The following TSPAN14 variants were observed in gnomAD, a reference collection of about 807,000 sequenced individuals.
TSPAN14 encodes the protein tetraspanin-14.
Under a neutral mutation model 36.6 loss-of-function variants are expected in TSPAN14, and 16 were observed. The observed-to-expected ratio is 0.44, with a 90% CI of 0.30 to 0.66. The LOEUF is 0.66. Among genes scored for constraint, TSPAN14 ranks in the 30% least tolerant of loss-of-function variants. The probability of loss-of-function intolerance (pLI) is 0.12; values close to 1 mark genes in which losing one functional copy is unlikely to be tolerated. For missense variants in TSPAN14, 231 were observed against 355.1 expected (o/e 0.65, Z 2.81); for synonymous variants, 139 against 143.8 (o/e 0.97, Z 0.24).
intron 1 of TSPAN14, among the ~76,000 whole-genome samples, chr10:80,474,456 G>A (rs1000936173): frequency 2.6e-5 from 4 of 151,812 alleles, no homozygotes; most frequent in African/African-American, 9.7e-5. Context: ...CCCTCAGGAC[G>A]GGAGGGGAGG....
chr10:80,478,993 G>GT (rs1847083529), intron 1 of TSPAN14, among the ~76,000 whole-genome samples: 1 of 152,104 alleles, frequency 6.6e-6, no homozygotes, highest in Non-Finnish European at 1.5e-5. Flanking sequence ...TCTAACTGGT[G>GT]TGAGATGGTA....
chr10:80,485,450 T>A (rs1021564644), intron 1 of TSPAN14, among the ~76,000 whole-genome samples: 2 of 152,170 alleles, frequency 1.3e-5, no homozygotes, highest in African/African-American at 4.8e-5. Context: ...GAGCGCTCAG[T>A]CCTTTTTTCC....
intron 5 of TSPAN14, among the ~76,000 whole-genome samples, chr10:80,511,604 C>T (rs1455945707): frequency 3.9e-5 from 6 of 152,114 alleles, no homozygotes; most frequent in African/African-American, 7.2e-5. Context: ...GAGGGCTCCA[C>T]TGAGCCAGCC....
At chr10:80,480,354 G>A (rs1589256694) in intron 1 of TSPAN14, among the ~76,000 whole-genome samples, 1 of 152,144 alleles carries the variant, frequency 6.6e-6, no homozygotes, top group African/African-American at 2.4e-5. Context: ...GTGAGAGAGG[G>A]CATCCCAGTC....
Position 80,509,182 on chromosome 10 carries a change from T to C in TSPAN14, c.280-119T>C. ...GGGTTCTGGGGCCCCGATGTGGGAC[T>C]CTCAGGTGCAGAGCCCACGCTCTGC... On this transcript the variant is annotated intron_variant, in intron 4 of 8. Coordinates refer to ENST00000429989, the Ensembl canonical transcript of TSPAN14. This position sits in a 1 kb window ranked among gnomAD's most constrained non-coding sequence, Gnocchi z 4.7. The C allele has an allele frequency of 9.0e-7, 1 of 1,108,044 alleles. No individual in the cohort carries two copies. 68.6% of individuals were successfully genotyped at this position (1,108,044 alleles called of 1,614,324 possible).
chr10:80,504,717 G>C lies in TSPAN14; in HGVS notation c.82-11G>C. On this transcript the variant is annotated splice_polypyrimidine_tract_variant and intron_variant, in intron 2 of 8. Coordinates refer to ENST00000429989, the Ensembl canonical transcript of TSPAN14. ...CCTAACTTCCTTCTCTCTTTCCTCT[G>C]CCCCGCTTAGTTGGCTGGAGTTGTC... The C allele has an allele frequency of 6.2e-7, 1 of 1,614,130 alleles. No individual in the cohort carries two copies. The highest frequency in any genetic ancestry group is 8.5e-7 in the Non-Finnish European group (1 of 1,179,994).
rs111239209 is a variant in TSPAN14, at chr10:80,461,915, C to CT, written c.-18+7556dup. On this transcript the variant is annotated intron_variant, in intron 1 of 8. Coordinates refer to ENST00000429989, the Ensembl canonical transcript of TSPAN14. ...CACTGTTGTGAGATCTCATTTGTGC[C>CT]TTTTTTTTTTTTCCTTCAGACAGGG... 1.6e-3 allele frequency among the ~76,000 whole-genome samples: 228 copies of CT among 144,422 alleles called. 2 individuals carry two copies. The highest frequency in any genetic ancestry group is 0.015 in the Middle Eastern group (4 of 274). The allele number at this position is 144,422 out of a possible 152,430, so 94.7% of individuals were successfully genotyped here.
At position 80,475,871 on chromosome 10, in the gene TSPAN14, C is replaced by T. The variant is rs144136392; in HGVS notation, c.-17-13346C>T. 2.2e-3 allele frequency among the ~76,000 whole-genome samples: 329 copies of T among 152,274 alleles called. 2 individuals carry two copies. Among genetic ancestry groups the T allele is most frequent in the African/African-American group, 7.4e-3 (309 of 41,550 alleles). On this transcript the variant is annotated intron_variant, in intron 1 of 8. Coordinates refer to ENST00000429989, the Ensembl canonical transcript of TSPAN14. ...GAGTGCTGGGATTACAGGCATGAGC[C>T]GTGGTGCCCGGCCTCCCCATCCTTT...
At chr10:80,512,329 C>T in intron 6 of TSPAN14, 60 bp downstream of exon 6, 15 of 1,599,924 alleles carry the variant, frequency 9.4e-6, no homozygotes, top group Non-Finnish European at 1.2e-5. Context: ...AGAAGCTTTC[C>T]TGACTCCTCC....
intron 1 of TSPAN14, among the ~76,000 whole-genome samples, chr10:80,465,648 CT>C (rs1319030404): frequency 6.6e-6 from 1 of 152,206 alleles, no homozygotes; most frequent in Non-Finnish European, 1.5e-5. Flanking sequence ...GAGGTCTCAC[CT>C]GTTTTGGGCC....
intron 8 of TSPAN14, among the ~76,000 whole-genome samples, chr10:80,517,280 A>G (rs1297568711): frequency 6.6e-6 from 1 of 152,252 alleles, no homozygotes; most frequent in African/African-American, 2.4e-5. Context: ...CAAGGGAAGA[A>G]TCAGACTTCA....
intron 5 of TSPAN14, among the ~76,000 whole-genome samples, chr10:80,510,660 G>C (rs1840568358): frequency 1.3e-5 from 2 of 152,226 alleles, no homozygotes; most frequent in South Asian, 4.1e-4. Flanking sequence ...GGATCACAAG[G>C]TCAGGAGATC....
intron 2 of TSPAN14, among the ~76,000 whole-genome samples, chr10:80,490,666 G>T (rs898103576): frequency 6.6e-6 from 1 of 152,162 alleles, no homozygotes; most frequent in Non-Finnish European, 1.5e-5. Flanking sequence ...AGTCGGCTGA[G>T]GAGCCAATGA....
intron 1 of TSPAN14, among the ~76,000 whole-genome samples, chr10:80,466,106 A>G (rs191543054): frequency 1.3e-5 from 2 of 152,298 alleles, no homozygotes; most frequent in Non-Finnish European, 2.9e-5. Flanking sequence ...TAGAACTCAT[A>G]ACTCCCACTA....
At chr10:80,476,456 C>T (rs1315720284) in intron 1 of TSPAN14, among the ~76,000 whole-genome samples, 1 of 141,730 alleles carries the variant, frequency 7.1e-6, no homozygotes, top group Non-Finnish European at 1.5e-5. Flanking sequence ...TGCTCTGTCA[C>T]CCAGGCTGGA....
At chr10:80,458,929 C>T (rs1564706102) in intron 1 of TSPAN14, among the ~76,000 whole-genome samples, 1 of 151,352 alleles carries the variant, frequency 6.6e-6, no homozygotes, top group Non-Finnish European at 1.5e-5. Context: ...TTTCAAGTTG[C>T]ACCTACTTTC....
intron 2 of TSPAN14, among the ~76,000 whole-genome samples, chr10:80,493,452 C>T (rs766618573): frequency 3.3e-5 from 5 of 152,190 alleles, no homozygotes; most frequent in African/African-American, 7.2e-5. Flanking sequence ...TATTTGTACA[C>T]CTATGTGCAC....
intron 1 of TSPAN14, among the ~76,000 whole-genome samples, chr10:80,457,715 G>A (rs1156361938): frequency 6.6e-6 from 1 of 152,206 alleles, no homozygotes; most frequent in Non-Finnish European, 1.5e-5. Context: ...TCTCCCTAAG[G>A]CCAGGGAATG....
chr10:80,522,307 TC>T (rs1316644077), exon 9 of TSPAN14: 1 of 152,204 alleles, frequency 6.6e-6, no homozygotes, highest in Non-Finnish European at 1.5e-5. Context: ...GGCCAGGAGT[TC>T]GAGACCAGCC....
Sources: allele counts gnomAD v4.1 joint callset (sites outside exome capture counted in the v4.1 genomes callset), GRCh38; gene constraint gnomAD v4.1.1; non-coding constraint Gnocchi (gnomAD v3.1); transcripts MANE v1.5; gene names NCBI Gene and HGNC (gene_info 2026-07-23, HGNC 2026-07-21).